The following PPP2R1A variants were observed in gnomAD, a reference collection of about 807,000 sequenced individuals.
PPP2R1A encodes serine/threonine-protein phosphatase 2A 65 kDa regulatory subunit A alpha isoform.
A neutral mutation model predicts 67.1 loss-of-function variants in PPP2R1A; 15 were observed. That is an observed-to-expected ratio of 0.22 (90% CI 0.15 to 0.34). The LOEUF is 0.34. Among genes scored for constraint, PPP2R1A ranks in the 10% least tolerant of loss-of-function variants. The pLI, the probability that PPP2R1A is intolerant of heterozygous loss-of-function variation, is 1.00. For missense variants in PPP2R1A, 369 were observed against 775.0 expected (o/e 0.48, Z 6.22); for synonymous variants, 337 against 325.0 (o/e 1.04, Z -0.40).
chr19:52,206,256 C>G (rs2089601224), intron 3 of PPP2R1A, among the ~76,000 whole-genome samples, 193 bp downstream of exon 3: 1 of 152,154 alleles, frequency 6.6e-6, no homozygotes, highest in African/African-American at 2.4e-5. Context: ...CAGTTATCAT[C>G]CTTTCTGTTT....
At chr19:52,220,272 C>T (rs1203882695) in intron 11 of PPP2R1A, 23 bp downstream of exon 11, 1 of 1,611,310 alleles carries the variant, frequency 6.2e-7, no homozygotes, top group Non-Finnish European at 8.5e-7. Context: ...ACAGGAGCAG[C>T]AAGAGGAGAT....
intron 9 of PPP2R1A, among the ~76,000 whole-genome samples, chr19:52,218,359 A>G (rs1215362126): frequency 1.3e-5 from 2 of 151,992 alleles, no homozygotes; most frequent in Non-Finnish European, 2.9e-5. Context: ...ATTCTGTTAC[A>G]GTGGAGTAAT....
chr19:52,208,108 G>A (rs1203492831), intron 3 of PPP2R1A, among the ~76,000 whole-genome samples: 1 of 152,152 alleles, frequency 6.6e-6, no homozygotes, highest in Non-Finnish European at 1.5e-5. Context: ...TCTCAGCAGT[G>A]GTGAAATGGA....
In PPP2R1A at chr19:52,216,651, G is replaced by C; in HGVS notation, c.1116G>C (p.Gln372His). ...IEHLLPLFLA[Q>H]LKDECPEVRL... ...ACCTCTTGCCCCTCTTCCTGGCTCA[G>C]CTGAAGGATGAGGTAAGGGCACCAG... The change falls in exon 9 of 15, where the codon CAG (glutamine) becomes CAC (histidine). Residue 372 changes from glutamine (Q) to histidine (H), a missense_variant. Gln to His is a conservative substitution (Grantham distance 24, BLOSUM62 0). Transcript: ENST00000322088. The surrounding 1 kb of genome is among the most constrained non-coding windows in gnomAD (Gnocchi z 4.3). 3.7e-6 allele frequency: 6 copies of C among 1,614,164 alleles called. No individual in the cohort carries two copies. The highest frequency in any genetic ancestry group is 5.1e-6 in the Non-Finnish European group (6 of 1,180,038).
At chr19:52,190,262 G>C (rs780707894) in intron 1 of PPP2R1A, 88 bp downstream of exon 1, 2 of 1,450,766 alleles carry the variant, frequency 1.4e-6, no homozygotes, top group Non-Finnish European at 1.9e-6. Flanking sequence ...AGCGTTCGCT[G>C]GGAGTGGCGG....
intron 1 of PPP2R1A, among the ~76,000 whole-genome samples, chr19:52,191,673 C>G (rs940168937): frequency 6.6e-6 from 1 of 152,162 alleles, no homozygotes; most frequent in African/African-American, 2.4e-5. Context: ...GTTTCCTCTT[C>G]TCTTTAATGG....
intron 1 of PPP2R1A, among the ~76,000 whole-genome samples, chr19:52,195,454 C>T (rs79127288): frequency 0.022 from 3,411 of 152,258 alleles, 112 homozygotes; most frequent in African/African-American, 0.076. Flanking sequence ...CTGCAGCACA[C>T]GCCAACTGGA....
In PPP2R1A at chr19:52,215,768, C is replaced by T; in HGVS notation, c.808-11C>T. ...CCCTCTCACTCTCCCCCTCCTCCTT[C>T]CTGTCTGCAGCTCCAGAAAGCAGTG... On this transcript the variant is annotated splice_polypyrimidine_tract_variant and intron_variant, in intron 6 of 14. Transcript: ENST00000322088. 6.2e-7 allele frequency: 1 copy of T among 1,611,516 alleles called. No individual in the cohort carries two copies. Among genetic ancestry groups the T allele is most frequent in the East Asian group, 2.2e-5 (1 of 44,868 alleles).
chr19:52,214,720 C>T (rs1257919263), intron 6 of PPP2R1A, among the ~76,000 whole-genome samples: 4 of 151,450 alleles, frequency 2.6e-5, no homozygotes, highest in African/African-American at 7.3e-5. Flanking sequence ...CAGGGCCAAG[C>T]GTGCCTCCCT....
chr19:52,198,194 A>G (rs1600158603), intron 1 of PPP2R1A, among the ~76,000 whole-genome samples: 2 of 152,244 alleles, frequency 1.3e-5, no homozygotes, highest in Non-Finnish European at 2.9e-5. Context: ...GGATTGCCCA[A>G]GATTCCACAG....
chr19:52,213,238 A>G lies in PPP2R1A; in HGVS notation c.807+128A>G, dbSNP rs1600168425. The G allele has an allele frequency of 7.6e-6, 9 of 1,190,264 alleles. No individual in the cohort carries two copies. Among genetic ancestry groups the G allele is most frequent in the Middle Eastern group, 2.0e-4 (1 of 5,010 alleles). 73.7% of individuals were successfully genotyped at this position (1,190,264 alleles called of 1,614,324 possible). ...TGGGCGTTTGAGCAATAAGATCTCT[A>G]TGATCATCTAACTGCGTCTCGCTTC... On this transcript the variant is annotated intron_variant, in intron 6 of 14. Coordinates refer to ENST00000322088, the MANE Select transcript of PPP2R1A (RefSeq NM_014225.6). This position sits in a 1 kb window ranked among gnomAD's most constrained non-coding sequence, Gnocchi z 4.2.
intron 11 of PPP2R1A, among the ~76,000 whole-genome samples, chr19:52,220,656 G>C (rs1003281422): frequency 6.6e-6 from 1 of 152,082 alleles, no homozygotes; most frequent in African/African-American, 2.4e-5. Context: ...AAAATAAAAG[G>C]TAATATTTAT....
In PPP2R1A at chr19:52,219,487, G is replaced by C. The variant is rs1217559512; in HGVS notation, c.1129-204G>C. On this transcript the variant is annotated intron_variant, in intron 9 of 14. Coordinates refer to ENST00000322088, the MANE Select transcript of PPP2R1A (RefSeq NM_014225.6). This position sits in a 1 kb window ranked among gnomAD's most constrained non-coding sequence, Gnocchi z 4.0. ...ACATTTCTTGTGATACTATTGTAAGGTTTAAAAATCTGCTTAAGTTAGTGA... is the reference window on the plus strand; with the variant it reads ...ACATTTCTTGTGATACTATTGTAAGCTTTAAAAATCTGCTTAAGTTAGTGA... Among the ~76,000 whole-genome samples, 1 of 152,172 alleles carries C rather than the reference G, an allele frequency of 6.6e-6. No homozygotes were observed. Among genetic ancestry groups the C allele is most frequent in the African/African-American group, 2.4e-5 (1 of 41,430 alleles).
chr19:52,212,618 C>T lies in PPP2R1A; in HGVS notation c.504-68C>T, dbSNP rs2089680936. On this transcript the variant is annotated intron_variant, in intron 4 of 14. Coordinates refer to ENST00000322088, the MANE Select transcript of PPP2R1A (RefSeq NM_014225.6). This position sits in a 1 kb window ranked among gnomAD's most constrained non-coding sequence, Gnocchi z 4.1. ...GCTAAAACCTGGACCCACACAACTGCAGAGTCTGTGCTTGCTCCTCTCTGC... is the reference window on the plus strand; with the variant it reads ...GCTAAAACCTGGACCCACACAACTGTAGAGTCTGTGCTTGCTCCTCTCTGC... 5 of 1,570,034 alleles carry T rather than the reference C, an allele frequency of 3.2e-6. No individual in the cohort carries two copies. In the East Asian group the frequency reaches 1.1e-4, roughly 35 times the overall value.
intron 1 of PPP2R1A, among the ~76,000 whole-genome samples, chr19:52,193,433 G>C (rs1344527514): frequency 6.6e-6 from 1 of 152,190 alleles, no homozygotes; most frequent in East Asian, 1.9e-4. Context: ...ACATACAGTA[G>C]GGAACAAAAC....
chr19:52,208,905 C>G (rs2089636713), intron 3 of PPP2R1A, among the ~76,000 whole-genome samples: 1 of 152,204 alleles, frequency 6.6e-6, no homozygotes, highest in African/African-American at 2.4e-5. Flanking sequence ...CACACTCTTC[C>G]CTACCCTGTG....
chr19:52,200,993 A>G (rs13346028), intron 1 of PPP2R1A: 165 of 148,582 alleles, frequency 1.1e-3, no homozygotes, highest in African/African-American at 4.1e-3. Flanking sequence ...GGACACACTT[A>G]ACTACGTCTG....
chr19:52,202,064 G>A lies in PPP2R1A; in HGVS notation c.169+30G>A. ...CAAAGGGGACCCCTGGGGCCCAGATGTGGGGACTCTTGGGAGGTGGTTTTC... is the reference window on the plus strand; with the variant it reads ...CAAAGGGGACCCCTGGGGCCCAGATATGGGGACTCTTGGGAGGTGGTTTTC... On this transcript the variant is annotated intron_variant, in intron 2 of 14. Transcript: ENST00000322088. The A allele has an allele frequency of 4.4e-6, 7 of 1,584,286 alleles. 1 individual carries two copies. Among genetic ancestry groups the A allele is most frequent in the South Asian group, 2.2e-5 (2 of 90,458 alleles).
chr19:52,216,378 T>C lies in PPP2R1A; in HGVS notation c.994-151T>C. 1 of 1,059,954 alleles carries C rather than the reference T, an allele frequency of 9.4e-7. No individual in the cohort carries two copies. The highest frequency in any genetic ancestry group is 2.4e-5 in the Admixed American group (1 of 41,440). 65.7% of individuals were successfully genotyped at this position (1,059,954 alleles called of 1,614,324 possible). ...TTAAGTAGGTGGTACTCATAAGGAA[T>C]AGTGATTTCCCCTGTACCCTAAGCC... is the stretch of plus-strand genomic sequence containing the variant. On this transcript the variant is annotated intron_variant, in intron 8 of 14. Coordinates refer to ENST00000322088, the MANE Select transcript of PPP2R1A (RefSeq NM_014225.6). The surrounding 1 kb of genome is among the most constrained non-coding windows in gnomAD (Gnocchi z 4.3).
Sources: allele counts gnomAD v4.1 joint callset (sites outside exome capture counted in the v4.1 genomes callset), GRCh38; gene constraint gnomAD v4.1.1; non-coding constraint Gnocchi (gnomAD v3.1); transcripts MANE v1.5; gene names NCBI Gene and HGNC (gene_info 2026-07-23, HGNC 2026-07-21).